The following CSMD1 variants were observed in gnomAD, a reference collection of about 807,000 sequenced individuals.
The protein encoded by CSMD1 is CUB and sushi domain-containing protein 1.
Under a neutral mutation model 417.5 loss-of-function variants are expected in CSMD1, and 213 were observed. That is an observed-to-expected ratio of 0.51 (90% CI 0.46 to 0.57). The LOEUF is 0.57. Ranked by LOEUF, CSMD1 falls within the 20% of genes least tolerant of loss-of-function variation. CSMD1 has a pLI of 0.00. For missense variants in CSMD1, 6,923 were observed against 4,529.7 expected (o/e 1.53, Z -15.17); for synonymous variants, 2,862 against 1,736.8 (o/e 1.65, Z -16.11).
At chr8:4,143,829 G>T (rs13253398) in intron 3 of CSMD1, among the ~76,000 whole-genome samples, 6 of 150,790 alleles carry the variant, frequency 4.0e-5, no homozygotes, top group South Asian at 2.1e-4. Context: ...ACAGTTTTCT[G>T]GGATTTAAGT....
At chr8:3,896,844 G>C (rs1052602053) in intron 5 of CSMD1, among the ~76,000 whole-genome samples, 2 of 151,936 alleles carry the variant, frequency 1.3e-5, no homozygotes, top group African/African-American at 4.8e-5. Flanking sequence ...AAAAATAAAT[G>C]TCAGGAAAAA....
chr8:3,880,529 T>C (rs1240479434), intron 5 of CSMD1, among the ~76,000 whole-genome samples: 1 of 152,216 alleles, frequency 6.6e-6, no homozygotes, highest in Non-Finnish European at 1.5e-5. Flanking sequence ...AGCCACGTAG[T>C]TTATTTTACT....
In CSMD1 at chr8:4,045,246, C is replaced by G. The variant is rs111964586; in HGVS notation, c.416-13147G>C. 2.2e-3 allele frequency among the ~76,000 whole-genome samples: 342 copies of G among 152,278 alleles called. 2 individuals are homozygous for G. Among genetic ancestry groups the G allele is most frequent in the African/African-American group, 7.2e-3 (298 of 41,570 alleles). ...GTTGTCCCATTAATGAGCTTAGGAG[C>G]AGAAGTGAGACAAAGCCTCTCATTT... is the stretch of plus-strand genomic sequence containing the variant. On this transcript the variant is annotated intron_variant, in intron 3 of 69. Coordinates refer to ENST00000635120, the MANE Select transcript of CSMD1 (RefSeq NM_033225.6).
At chr8:3,854,987 C>T (rs1471149241) in intron 5 of CSMD1, among the ~76,000 whole-genome samples, 2 of 152,012 alleles carry the variant, frequency 1.3e-5, no homozygotes, top group African/African-American at 4.8e-5. Context: ...ATGTCCAGGC[C>T]CAGTAATCCA....
At chr8:4,075,275 G>A (rs917890588) in intron 3 of CSMD1, among the ~76,000 whole-genome samples, 1 of 152,044 alleles carries the variant, frequency 6.6e-6, no homozygotes, top group Non-Finnish European at 1.5e-5. Flanking sequence ...ATAAAATAAA[G>A]ATGAATTGTT....
chr8:4,277,216 T>TATACAC (rs1554515941), intron 3 of CSMD1, among the ~76,000 whole-genome samples: 1 of 147,094 alleles, frequency 6.8e-6, no homozygotes, highest in Non-Finnish European at 1.5e-5. Flanking sequence ...TATATATATA[T>TATACAC]ACACACAGAC....
intron 3 of CSMD1, among the ~76,000 whole-genome samples, chr8:4,390,432 T>A (rs1803764739): frequency 6.6e-6 from 1 of 152,036 alleles, no homozygotes; most frequent in Non-Finnish European, 1.5e-5. Flanking sequence ...ATATGATAAA[T>A]GACATATTGG....
Position 3,564,503 on chromosome 8 carries a change from G to C in CSMD1, c.1344+10442C>G, listed in dbSNP as rs534673555. The stretch of plus-strand genomic sequence containing the variant: ...GGGATTAGTCTTCTTAGAAATGCTG[G>C]CTCCACAGTATATTTGTGTGTGTGT... On this transcript the variant is annotated intron_variant, in intron 10 of 69. Coordinates refer to ENST00000635120, the MANE Select transcript of CSMD1 (RefSeq NM_033225.6). 3.1e-5 allele frequency among the ~76,000 whole-genome samples: 4 copies of C among 128,984 alleles called. 1 individual carries two copies. Among genetic ancestry groups the C allele is most frequent in the Admixed American group, 2.4e-4 (3 of 12,478 alleles). 84.6% of individuals were successfully genotyped at this position (128,984 alleles called of 152,430 possible).
At chr8:4,948,595 A>G (rs1215326156) in intron 1 of CSMD1, among the ~76,000 whole-genome samples, 12 of 152,022 alleles carry the variant, frequency 7.9e-5, no homozygotes, top group African/African-American at 2.2e-4. Context: ...CTTATTTTCA[A>G]TGGTGTCCTT....
chr8:4,276,045 T>C (rs529307387), intron 3 of CSMD1, among the ~76,000 whole-genome samples: 15 of 152,276 alleles, frequency 9.9e-5, no homozygotes, highest in African/African-American at 3.4e-4. Context: ...AGTTCAACCG[T>C]TGTGGAAGAC....
chr8:3,608,059 C>T (rs536932038), intron 8 of CSMD1, among the ~76,000 whole-genome samples: 3 of 151,932 alleles, frequency 2.0e-5, no homozygotes, highest in African/African-American at 4.8e-5. Context: ...GTAATGCCAT[C>T]TACTCAGGAG....
chr8:3,485,392 T>C (rs1817967171), intron 11 of CSMD1, among the ~76,000 whole-genome samples: 1 of 152,012 alleles, frequency 6.6e-6, no homozygotes, highest in Admixed American at 6.6e-5. Context: ...GCTTTAAGTG[T>C]AGAAAACAGG....
intron 3 of CSMD1, among the ~76,000 whole-genome samples, chr8:4,114,820 T>C (rs1192644703): frequency 6.6e-6 from 1 of 152,066 alleles, no homozygotes; most frequent in African/African-American, 2.4e-5. Flanking sequence ...AGAGGTAAAA[T>C]TAGAAGGGGA....
chr8:4,216,892 G>A (rs1800710333), intron 3 of CSMD1, among the ~76,000 whole-genome samples: 1 of 152,080 alleles, frequency 6.6e-6, no homozygotes, highest in Non-Finnish European at 1.5e-5. Context: ...TTCTTTTCTT[G>A]CCCAGTTTTG....
At chr8:3,155,757 T>C (rs1283541080) in intron 39 of CSMD1, among the ~76,000 whole-genome samples, 1 of 152,162 alleles carries the variant, frequency 6.6e-6, no homozygotes, top group Non-Finnish European at 1.5e-5. Context: ...GACATAGCTT[T>C]TAAAAATAAG....
intron 3 of CSMD1, among the ~76,000 whole-genome samples, chr8:4,189,181 G>A (rs979078932): frequency 1.3e-5 from 2 of 152,222 alleles, no homozygotes; most frequent in Admixed American, 6.5e-5. Flanking sequence ...CACACAGCAC[G>A]TAAGTGCCCA....
intron 49 of CSMD1, among the ~76,000 whole-genome samples, chr8:3,074,923 G>C (rs181154497): frequency 2.0e-5 from 3 of 152,286 alleles, no homozygotes; most frequent in East Asian, 1.9e-4. Context: ...GTAATTCTCA[G>C]TGTTGGAGGT....
intron 59 of CSMD1, among the ~76,000 whole-genome samples, chr8:2,964,049 T>C (rs987861490): frequency 1.3e-5 from 2 of 152,174 alleles, no homozygotes; most frequent in African/African-American, 2.4e-5. Context: ...CTAGAAATTA[T>C]ACTAAAATGC....
At chr8:4,091,376 A>G (rs1211429442) in intron 3 of CSMD1, among the ~76,000 whole-genome samples, 2 of 152,200 alleles carry the variant, frequency 1.3e-5, no homozygotes, top group African/African-American at 4.8e-5. Context: ...AAGAAAATAA[A>G]TATAAAACAA....
Sources: allele counts gnomAD v4.1 joint callset (sites outside exome capture counted in the v4.1 genomes callset), GRCh38; gene constraint gnomAD v4.1.1; transcripts MANE v1.5; gene names NCBI Gene and HGNC (gene_info 2026-07-23, HGNC 2026-07-21).